Variants in NTM observed in about 807,000 individuals in gnomAD.
NTM encodes the protein IgLON family member 2.
In NTM, 13 loss-of-function variants were observed where a neutral mutation model predicts 42.1. The observed-to-expected ratio is 0.31, with a 90% CI of 0.20 to 0.49. NTM has a LOEUF of 0.49. Ranked by LOEUF, NTM falls within the 20% of genes least tolerant of loss-of-function variation. NTM has a pLI of 0.99. For missense variants in NTM, 373 were observed against 452.8 expected, an observed-to-expected ratio of 0.82 and a Z score of 1.60; for synonymous variants, 187 against 179.2, an observed-to-expected ratio of 1.04 and a Z score of -0.35.
chr11:132,016,514 G>A (rs2073442840), intron 2 of NTM, among the ~76,000 whole-genome samples: 1 of 151,788 alleles, frequency 6.6e-6, no homozygotes, highest in Non-Finnish European at 1.5e-5. Flanking sequence ...TATTATAAAA[G>A]TATAACACAT....
chr11:132,111,116 A>C (rs7112047), intron 2 of NTM, among the ~76,000 whole-genome samples: 5 of 134,646 alleles, frequency 3.7e-5, no homozygotes, highest in African/African-American at 1.3e-4. Context: ...AAAAAGAGAC[A>C]GAGAGAAAGA....
intron 1 of NTM, among the ~76,000 whole-genome samples, chr11:131,583,983 A>G (rs2058637108): frequency 6.6e-6 from 1 of 152,212 alleles, no homozygotes; most frequent in Non-Finnish European, 1.5e-5. Flanking sequence ...CTGTCTAACA[A>G]GATGGGAACT....
chr11:132,222,032 CA>C (rs952976756), intron 4 of NTM, among the ~76,000 whole-genome samples: 1 of 152,286 alleles, frequency 6.6e-6, no homozygotes, highest in Admixed American at 6.5e-5. Context: ...ATTCTCACAG[CA>C]TTCTTACAAA....
At chr11:131,512,211 G>T (rs1431013310) in intron 1 of NTM, among the ~76,000 whole-genome samples, 2 of 152,232 alleles carry the variant, frequency 1.3e-5, no homozygotes, top group South Asian at 2.1e-4. Context: ...GCCAGTGGGT[G>T]CATGCACACG....
intron 1 of NTM, among the ~76,000 whole-genome samples, chr11:131,592,524 CA>C (rs3040141): frequency 0.79 from 102,236 of 129,886 alleles, 40,424 homozygotes; most frequent in East Asian, 0.92. Flanking sequence ...ATAGGTCTTT[CA>C]AAAAAAAAAA....
At chr11:132,189,254 G>A (rs1406817018) in intron 3 of NTM, among the ~76,000 whole-genome samples, 1 of 152,092 alleles carries the variant, frequency 6.6e-6, no homozygotes, top group African/African-American at 2.4e-5. Flanking sequence ...ACAGCCAGCT[G>A]GGAAAGAAAT....
chr11:131,814,145 G>A (rs576360864), intron 1 of NTM, among the ~76,000 whole-genome samples: 3 of 152,176 alleles, frequency 2.0e-5, no homozygotes, highest in Non-Finnish European at 4.4e-5. Flanking sequence ...TCTTCAGAAA[G>A]AATGTGCTCC....
intron 2 of NTM, among the ~76,000 whole-genome samples, chr11:132,049,628 A>G (rs2078562096): frequency 1.3e-5 from 2 of 152,174 alleles, no homozygotes; most frequent in Non-Finnish European, 2.9e-5. Context: ...ACATTGCTCC[A>G]TCACCCTCAC....
chr11:132,306,566 C>A, intron 4 of NTM: 1 of 152,236 alleles, frequency 6.6e-6, no homozygotes, highest in Non-Finnish European at 1.5e-5. Context: ...GTCTAAATAG[C>A]CCCGTGACCC....
chr11:131,778,220 C>T (rs1006687511), intron 1 of NTM, among the ~76,000 whole-genome samples: 2 of 152,148 alleles, frequency 1.3e-5, no homozygotes, highest in Admixed American at 6.5e-5. Context: ...AGCTGAAACC[C>T]GTGGTGATAG....
intron 1 of NTM, among the ~76,000 whole-genome samples, chr11:131,592,188 T>C (rs773001253): frequency 2.0e-5 from 3 of 152,198 alleles, no homozygotes; most frequent in Non-Finnish European, 2.9e-5. Flanking sequence ...GCTCTGACTA[T>C]GGGAGGCAGA....
At position 132,189,250 on chromosome 11, in the gene NTM, A is replaced by C. The variant is rs543534768; in HGVS notation, c.401-22772A>C. 7.6e-4 allele frequency among the ~76,000 whole-genome samples: 116 copies of C among 152,312 alleles called. 1 individual carries two copies. The highest frequency in any genetic ancestry group is 1.2e-3 in the South Asian group (6 of 4,820). ...TAGATAGATCATGAAAAATACAGCC[A>C]GCTGGGAAAGAAATAGCCCAAATGT... On this transcript the variant is annotated intron_variant, in intron 3 of 8. Transcript: ENST00000683400.
At chr11:131,888,876 C>T (rs528470530) in intron 1 of NTM, among the ~76,000 whole-genome samples, 4 of 151,434 alleles carry the variant, frequency 2.6e-5, no homozygotes, top group South Asian at 4.2e-4. Context: ...GTCTCGGCAT[C>T]GGCGACATAG....
At chr11:131,808,027 AGTGAGCTAAG>A (rs2092584972) in intron 1 of NTM, among the ~76,000 whole-genome samples, 1 of 152,366 alleles carries the variant, frequency 6.6e-6, no homozygotes, top group Admixed American at 6.5e-5. Flanking sequence ...TTACAAGATC[AGTGAGCTAAG>A]GTTCAGCGGT....
At chr11:131,964,273 T>C (rs1028118858) in intron 2 of NTM, among the ~76,000 whole-genome samples, 2 of 152,204 alleles carry the variant, frequency 1.3e-5, no homozygotes, top group Non-Finnish European at 2.9e-5. Flanking sequence ...ATGGGTCATT[T>C]GTTGTAAGGC....
chr11:132,107,969 A>G (rs1427923750), intron 2 of NTM, among the ~76,000 whole-genome samples: 3 of 152,216 alleles, frequency 2.0e-5, no homozygotes, highest in Admixed American at 2.0e-4. Context: ...TTATAGGTAT[A>G]GTGATCTGAT....
chr11:132,252,662 GGGAAACACA>G (rs2092077316), intron 4 of NTM, among the ~76,000 whole-genome samples: 1 of 152,136 alleles, frequency 6.6e-6, no homozygotes, highest in Admixed American at 6.5e-5. Context: ...AATTATAGAT[GGGAAACACA>G]GGCTCGGATA....
intron 1 of NTM, among the ~76,000 whole-genome samples, chr11:131,664,300 C>T (rs2068605751): frequency 6.6e-6 from 1 of 152,196 alleles, no homozygotes. Flanking sequence ...AGACCAAGTA[C>T]CTATAAAAGG....
intron 2 of NTM, among the ~76,000 whole-genome samples, chr11:132,031,844 C>A (rs978063622): frequency 3.3e-5 from 5 of 152,086 alleles, no homozygotes; most frequent in African/African-American, 1.2e-4. Context: ...TATATAATCT[C>A]TTATGTGTGA....
Sources: allele counts gnomAD v4.1 joint callset (sites outside exome capture counted in the v4.1 genomes callset), GRCh38; gene constraint gnomAD v4.1.1; transcripts MANE v1.5; gene names NCBI Gene and HGNC (gene_info 2026-07-23, HGNC 2026-07-21).